Variants in MEIS2 observed in about 807,000 individuals in gnomAD.
MEIS2 encodes the protein homeobox protein Meis2.
In MEIS2, 9 loss-of-function variants were observed where a neutral mutation model predicts 58.6. That is an observed-to-expected ratio of 0.15 (90% confidence interval 0.09 to 0.27). MEIS2 has a LOEUF of 0.27. Among genes scored for constraint, MEIS2 ranks in the 10% least tolerant of loss-of-function variants. The probability of loss-of-function intolerance (pLI) is 1.00; values close to 1 mark genes in which losing one functional copy is unlikely to be tolerated. For missense variants in MEIS2, 427 were observed against 635.0 expected (o/e 0.67, Z 3.52); for synonymous variants, 221 against 228.4 (o/e 0.97, Z 0.29).
chr15:36,909,849 T>TGGGGGG (rs2056919629), intron 9 of MEIS2, among the ~76,000 whole-genome samples: 1 of 3,920 alleles, frequency 2.6e-4, no homozygotes, highest in Admixed American at 3.8e-3. Context: ...AGTGTGTGTG[T>TGGGGGG]GGGGGTGGGG....
At chr15:36,935,841 A>G (rs1283612564) in intron 9 of MEIS2, among the ~76,000 whole-genome samples, 1 of 151,968 alleles carries the variant, frequency 6.6e-6, no homozygotes, top group Non-Finnish European at 1.5e-5. Context: ...TATCTAAAAT[A>G]TCTTTCCCAC....
At chr15:36,940,212 C>G (rs1595768614) in intron 9 of MEIS2, among the ~76,000 whole-genome samples, 1 of 152,252 alleles carries the variant, frequency 6.6e-6, no homozygotes, top group Middle Eastern at 3.4e-3. Flanking sequence ...TGTAACCTAG[C>G]AAATCTTTCA....
At chr15:36,963,914 G>C (rs1464957676) in intron 8 of MEIS2, among the ~76,000 whole-genome samples, 1 of 152,178 alleles carries the variant, frequency 6.6e-6, no homozygotes, top group Non-Finnish European at 1.5e-5. Context: ...GAAGAACCTA[G>C]AACTACACTC....
At chr15:37,077,329 A>T in intron 7 of MEIS2, among the ~76,000 whole-genome samples, 1 of 152,068 alleles carries the variant, frequency 6.6e-6, no homozygotes. Context: ...GCTCATTTCT[A>T]CAAGTTCCCC....
intron 8 of MEIS2, among the ~76,000 whole-genome samples, chr15:36,990,096 C>A (rs1244749283): frequency 1.3e-5 from 2 of 152,162 alleles, no homozygotes; most frequent in Admixed American, 6.6e-5. Flanking sequence ...AGGCGCCCGC[C>A]ACCACGCCCA....
chr15:37,096,113 A>C (rs1347512982), intron 3 of MEIS2, 176 bp downstream of exon 3: 1 of 636,522 alleles, frequency 1.6e-6, no homozygotes, highest in African/African-American at 1.8e-5. Context: ...ACCCATATTT[A>C]TCTCCACTTC....
intron 7 of MEIS2, among the ~76,000 whole-genome samples, chr15:37,058,668 CTCTT>C (rs1301944135): frequency 2.0e-5 from 3 of 152,196 alleles, no homozygotes; most frequent in East Asian, 1.9e-4. Flanking sequence ...ATGTGTTTTC[CTCTT>C]TCTATTACCA....
chr15:37,091,031 A>G (rs761854911), intron 6 of MEIS2, among the ~76,000 whole-genome samples: 5 of 152,186 alleles, frequency 3.3e-5, no homozygotes, highest in Admixed American at 6.5e-5. Context: ...TTAAATATGC[A>G]TATCAAAGCA....
At chr15:36,926,240 C>T (rs535561150) in intron 9 of MEIS2, among the ~76,000 whole-genome samples, 1 of 151,604 alleles carries the variant, frequency 6.6e-6, no homozygotes, top group Non-Finnish European at 1.5e-5. Flanking sequence ...AACATTAAAG[C>T]AGACTTATTT....
chr15:36,997,088 C>T (rs1386717419), intron 8 of MEIS2, among the ~76,000 whole-genome samples: 2 of 152,158 alleles, frequency 1.3e-5, no homozygotes, highest in Non-Finnish European at 2.9e-5. Flanking sequence ...ATTTAGAAGT[C>T]GGGAAATATA....
At chr15:37,065,354 A>G (rs79614786) in intron 7 of MEIS2, among the ~76,000 whole-genome samples, 6,196 of 152,292 alleles carry the variant, frequency 0.041, 172 homozygotes, top group East Asian at 0.094. Flanking sequence ...AATTCTTTAG[A>G]GGAAAAATAC....
intron 7 of MEIS2, among the ~76,000 whole-genome samples, chr15:37,068,698 T>G (rs2141865253): frequency 6.6e-6 from 1 of 152,320 alleles, no homozygotes; most frequent in East Asian, 1.9e-4. Context: ...AAGCAAATGT[T>G]ACTAGACAAC....
chr15:37,031,323 C>G (rs887203187), intron 8 of MEIS2, among the ~76,000 whole-genome samples: 3 of 152,038 alleles, frequency 2.0e-5, no homozygotes, highest in Non-Finnish European at 2.9e-5. Flanking sequence ...CCATCTGGAT[C>G]TGCACAAGAT....
chr15:36,967,176 A>G (rs1269697789), intron 8 of MEIS2, among the ~76,000 whole-genome samples: 1 of 152,170 alleles, frequency 6.6e-6, no homozygotes, highest in African/African-American at 2.4e-5. Context: ...TGTCATCCTC[A>G]CATAGCGATA....
chr15:37,049,210 A>G (rs769635249), intron 7 of MEIS2, among the ~76,000 whole-genome samples: 1 of 152,220 alleles, frequency 6.6e-6, no homozygotes, highest in Non-Finnish European at 1.5e-5. Flanking sequence ...AGAATAATCT[A>G]GGATAGCACA....
chr15:36,958,150 T>C (rs758339125), intron 8 of MEIS2, among the ~76,000 whole-genome samples: 9 of 152,144 alleles, frequency 5.9e-5, no homozygotes, highest in Admixed American at 1.3e-4. Context: ...TGAGAGATGT[T>C]AATAATTGTC....
chr15:36,975,880 T>C (rs1194770), intron 8 of MEIS2, among the ~76,000 whole-genome samples: 64,045 of 151,968 alleles, frequency 0.42, 13,820 homozygotes, highest in Admixed American at 0.55. Flanking sequence ...ATCACCACAA[T>C]AAAAATAAAG....
chr15:36,949,016 A>C (rs1396056102), intron 9 of MEIS2, among the ~76,000 whole-genome samples: 1 of 152,032 alleles, frequency 6.6e-6, no homozygotes, highest in Admixed American at 6.6e-5. Context: ...TGACAGAAGC[A>C]AGGCAACTCA....
At chr15:36,951,417 A>T (rs2058745414) in intron 8 of MEIS2, among the ~76,000 whole-genome samples, 1 of 152,184 alleles carries the variant, frequency 6.6e-6, no homozygotes, top group Non-Finnish European at 1.5e-5. Context: ...AATACTTCCC[A>T]TCAACATTAT....
Sources: gnomAD v4.1 joint callset for allele counts (sites outside exome capture counted in the v4.1 genomes callset) on GRCh38, gnomAD v4.1.1 for gene constraint, MANE v1.5 for transcripts, NCBI Gene and HGNC (gene_info 2026-07-23, HGNC 2026-07-21) for gene names.